The following FRAS1 variants were observed in gnomAD, a reference collection of about 807,000 sequenced individuals.
The protein encoded by FRAS1 is Fraser extracellular matrix complex subunit 1, also known as extracellular matrix organizing protein FRAS1.
Under a neutral mutation model 435.2 loss-of-function variants are expected in FRAS1, and 290 were observed. The observed-to-expected ratio is 0.67, with a 90% CI of 0.61 to 0.73. The LOEUF is 0.73. Ranked by LOEUF, FRAS1 falls within the 30% of genes least tolerant of loss-of-function variation. The pLI is 0.00. For missense variants in FRAS1, 4,860 were observed against 5,001.5 expected (o/e 0.97, Z 0.85); for synonymous variants, 1,800 against 1,851.0 (o/e 0.97, Z 0.71).
chr4:78,093,551 T>C (rs927424209), intron 2 of FRAS1, among the ~76,000 whole-genome samples: 1 of 152,220 alleles, frequency 6.6e-6, no homozygotes, highest in African/African-American at 2.4e-5. Flanking sequence ...AAAATTGTTT[T>C]TATCTGAAGA....
intron 2 of FRAS1, among the ~76,000 whole-genome samples, chr4:78,200,341 G>T (rs4859521): frequency 0.27 from 41,043 of 152,106 alleles, 6,575 homozygotes; most frequent in South Asian, 0.52. Flanking sequence ...ATATGAGCCT[G>T]TGCCTTAAAT....
In FRAS1 at chr4:78,496,806, T is replaced by G. The variant is rs746278927; in HGVS notation, c.8960T>G (p.Val2987Gly). The change falls in exon 60 of 74, where the codon GTG becomes GGG. Residue 2987 changes from valine (V) to glycine (G), a missense_variant and splice_region_variant. Transcript: ENST00000512123. ...SRITFLKGDKVKNCTVYIHDD... is the reference protein window; with the variant it reads ...SRITFLKGDKGKNCTVYIHDD... ...TCTGTCTTGTGCCATTGGCTCTAGGTGAAGAACTGTACGGTCTATATCCAC... is the reference window on the plus strand; with the variant it reads ...TCTGTCTTGTGCCATTGGCTCTAGGGGAAGAACTGTACGGTCTATATCCAC... 8 of 1,611,550 alleles carry G rather than the reference T, an allele frequency of 5.0e-6. No individual in the cohort carries two copies. The highest frequency in any genetic ancestry group is 1.7e-5 in the Admixed American group (1 of 59,590).
At chr4:78,079,594 T>A (rs1740805937) in intron 2 of FRAS1, among the ~76,000 whole-genome samples, 1 of 152,198 alleles carries the variant, frequency 6.6e-6, no homozygotes, top group African/African-American at 2.4e-5. Context: ...GTTCACATGA[T>A]GTCAACATGT....
chr4:78,315,557 A>G lies in FRAS1; in HGVS notation c.1679-37A>G, dbSNP rs376466947. ...GACTTCACTGCTTCTTTTGCTCACT[A>G]TTGCCTTTCTCTGATGGGTTTTTTG... On this transcript the variant is annotated intron_variant, in intron 15 of 73. Coordinates refer to ENST00000512123, the MANE Select transcript of FRAS1 (RefSeq NM_025074.7). The G allele has an allele frequency of 2.5e-5, 39 of 1,586,228 alleles. No homozygotes were observed. In the East Asian group the frequency reaches 2.7e-4, roughly 11 times the overall value.
intron 2 of FRAS1, chr4:78,181,421 C>T (rs1180201424): frequency 6.2e-7 from 1 of 1,612,046 alleles, no homozygotes; most frequent in South Asian, 1.1e-5. Context: ...GTGCTTCAGG[C>T]CACTGTAATG....
At chr4:78,304,416 G>C (rs1407983920) in intron 14 of FRAS1, among the ~76,000 whole-genome samples, 1 of 152,194 alleles carries the variant, frequency 6.6e-6, no homozygotes, top group Non-Finnish European at 1.5e-5. Flanking sequence ...GATTGGAATA[G>C]TTTCAGAAGG....
chr4:78,231,608 T>C (rs1379601009), intron 2 of FRAS1, among the ~76,000 whole-genome samples: 1 of 152,114 alleles, frequency 6.6e-6, no homozygotes, highest in Non-Finnish European at 1.5e-5. Context: ...GTAGGGTTAT[T>C]ACACCATTTA....
chr4:78,188,311 ATC>A (rs1722371286), intron 2 of FRAS1, among the ~76,000 whole-genome samples: 1 of 5,430 alleles, frequency 1.8e-4, no homozygotes, highest in African/African-American at 2.1e-4. Context: ...CTATCTATCT[ATC>A]TATCTAATCT....
At chr4:78,178,267 A>G (rs566889062) in intron 2 of FRAS1, among the ~76,000 whole-genome samples, 2 of 152,306 alleles carry the variant, frequency 1.3e-5, no homozygotes, top group Non-Finnish European at 2.9e-5. Flanking sequence ...TATCGAAAGA[A>G]TGATTACTGC....
At chr4:78,319,653 A>G (rs1400980142) in intron 18 of FRAS1, 2 of 266,070 alleles carry the variant, frequency 7.5e-6, no homozygotes, top group Non-Finnish European at 7.6e-6. Context: ...TACACCCACT[A>G]CCTAAACCCA....
intron 22 of FRAS1, among the ~76,000 whole-genome samples, chr4:78,367,526 C>T (rs959936160): frequency 1.9e-4 from 29 of 152,036 alleles, no homozygotes; most frequent in Admixed American, 1.8e-3. Flanking sequence ...AACTGGCATT[C>T]GGGGACCTCA....
intron 10 of FRAS1, 34 bp from the exon 11 acceptor site, chr4:78,281,364 G>A: frequency 6.7e-7 from 1 of 1,484,714 alleles, no homozygotes; most frequent in Admixed American, 2.1e-5. Context: ...GGTGTTTTTA[G>A]TGGCATAATA....
chr4:78,445,728 G>T lies in FRAS1; in HGVS notation c.5856+16G>T. The stretch of plus-strand genomic sequence containing the variant: ...CACCATTGAGGTAAAGACTTTGGAA[G>T]TTGGAAAGGTTGAGCCCTTGACCAC... On this transcript the variant is annotated intron_variant, in intron 42 of 73. Transcript: ENST00000512123. The T allele has an allele frequency of 6.2e-7, 1 of 1,613,658 alleles. No homozygotes were observed. Among genetic ancestry groups the T allele is most frequent in the South Asian group, 1.1e-5 (1 of 90,996 alleles).
intron 2 of FRAS1, chr4:78,072,101 T>A (rs1306444829): frequency 6.6e-6 from 1 of 151,950 alleles, no homozygotes; most frequent in Non-Finnish European, 1.5e-5. Context: ...AGAAAAGGAG[T>A]AAAATTACAG....
chr4:78,065,141 A>T (rs1368387981), intron 1 of FRAS1, among the ~76,000 whole-genome samples: 1 of 145,724 alleles, frequency 6.9e-6, no homozygotes, highest in East Asian at 2.0e-4. Flanking sequence ...TATTATATAT[A>T]TACTATATAT....
chr4:78,492,410 G>A (rs1428299256), intron 59 of FRAS1, among the ~76,000 whole-genome samples: 1 of 152,178 alleles, frequency 6.6e-6, no homozygotes, highest in African/African-American at 2.4e-5. Flanking sequence ...CAAGTCTGCA[G>A]TAATCAAAAC....
chr4:78,138,055 T>C (rs1016628832), intron 2 of FRAS1, among the ~76,000 whole-genome samples: 3 of 152,182 alleles, frequency 2.0e-5, no homozygotes, highest in Non-Finnish European at 4.4e-5. Flanking sequence ...AGCTTCCAAC[T>C]CTGGACTCCC....
intron 1 of FRAS1, among the ~76,000 whole-genome samples, chr4:78,062,480 C>G (rs1250608775): frequency 2.6e-5 from 4 of 152,108 alleles, no homozygotes; most frequent in African/African-American, 9.7e-5. Flanking sequence ...GTACCATGCT[C>G]TCCAAATCTT....
At chr4:78,152,790 T>A (rs948279292) in intron 2 of FRAS1, among the ~76,000 whole-genome samples, 2 of 152,116 alleles carry the variant, frequency 1.3e-5, no homozygotes, top group African/African-American at 4.8e-5. Context: ...ATAAATAATT[T>A]GCTCCTTTGG....
Sources: allele counts gnomAD v4.1 joint callset (sites outside exome capture counted in the v4.1 genomes callset), GRCh38; gene constraint gnomAD v4.1.1; transcripts MANE v1.5; gene names NCBI Gene and HGNC (gene_info 2026-07-23, HGNC 2026-07-21).